The following CHD1L variants were observed in gnomAD, a reference collection of about 807,000 sequenced individuals.
The protein encoded by CHD1L is ATP-dependent chromatin remodeler CHD1L.
A neutral mutation model predicts 115.9 loss-of-function variants in CHD1L; 118 were observed. The observed-to-expected ratio is 1.02, with a 90% CI of 0.88 to 1.19. The LOEUF is 1.19. Among genes scored for constraint, CHD1L ranks in the 50% most tolerant of loss-of-function variants. CHD1L has a pLI of 0.00. For synonymous variants in CHD1L, 411 were observed against 387.1 expected, an observed-to-expected ratio of 1.06 and a Z score of -0.72; for missense variants, 1,179 against 1,065.3, an observed-to-expected ratio of 1.11 and a Z score of -1.49.
chr1:147,255,904 C>A lies in CHD1L; in HGVS notation c.439C>A (p.His147Asn). The A allele has an allele frequency of 6.2e-7, 1 of 1,613,440 alleles. No homozygotes were observed. Among genetic ancestry groups the A allele is most frequent in the South Asian group, 1.1e-5 (1 of 90,948 alleles). The change falls in exon 4 of 23, where the codon CAT becomes AAT. Residue 147 changes from histidine to asparagine, a missense_variant. His to Asn is a moderately conservative substitution (Grantham distance 68, BLOSUM62 1). Coordinates refer to ENST00000369258, the MANE Select transcript of CHD1L (RefSeq NM_004284.6). ...QQDLKQESRF[H>N]VLLTTYEICL... is the part of the protein sequence containing the mutation. ...AGACCTGAAACAGGAGTCACGTTTT[C>A]ATGTGCTACTGACTACCTATGAGGT...
chr1:147,275,235 T>A (rs1677888242), intron 12 of CHD1L, 119 bp from the exon 13 acceptor site: 2 of 749,586 alleles, frequency 2.7e-6, no homozygotes, highest in African/African-American at 3.4e-5. Flanking sequence ...ATTTGAAGGA[T>A]GAAGCCAATT....
chr1:147,173,458 G>A, the CHD1L span: 2 of 152,192 alleles, frequency 1.3e-5, no homozygotes, highest in African/African-American at 4.8e-5. Flanking sequence ...AGAACGAAAA[G>A]GCTCTCCTAG....
chr1:147,231,899 C>A, the CHD1L span, among the ~76,000 whole-genome samples: 1 of 152,162 alleles, frequency 6.6e-6, no homozygotes, highest in East Asian at 1.9e-4. Context: ...GATGCCTCGC[C>A]CTGCTTCAGT....
intron 1 of CHD1L, among the ~76,000 whole-genome samples, chr1:147,252,151 C>T (rs1418794979): frequency 6.6e-6 from 1 of 152,184 alleles, no homozygotes; most frequent in Non-Finnish European, 1.5e-5. Context: ...TTCTTAAAAA[C>T]AGCGCTTCTG....
At chr1:147,224,949 C>G in the CHD1L span, 1 of 1,614,090 alleles carries the variant, frequency 6.2e-7, no homozygotes, top group Non-Finnish European at 8.5e-7. Context: ...AGACAGGTTC[C>G]AAGCCTTCTT....
the CHD1L span, among the ~76,000 whole-genome samples, chr1:147,219,202 C>T: frequency 6.6e-6 from 1 of 152,114 alleles, no homozygotes; most frequent in African/African-American, 2.4e-5. Flanking sequence ...ACAAAGGGAA[C>T]TGTAAAATTA....
chr1:147,178,187 C>A, the CHD1L span: 1 of 1,612,332 alleles, frequency 6.2e-7, no homozygotes, highest in Non-Finnish European at 8.5e-7. Context: ...GCGGCTGCCT[C>A]CGACGTGCTA....
rs587772866 is a variant in CHD1L at position 147,244,994 on chromosome 1, T to G, written c.127+2164T>G. On this transcript the variant is annotated intron_variant, in intron 1 of 22. Transcript: ENST00000369258. Reference sequence around the variant, plus strand: ...TAATATGCTATCGTATTGTTTAATTTAATGTTTATTTGGTTACCAATATTG... The same window carrying G: ...TAATATGCTATCGTATTGTTTAATTGAATGTTTATTTGGTTACCAATATTG... 2.0e-5 allele frequency among the ~76,000 whole-genome samples: 3 copies of G among 152,370 alleles called. 1 individual carries two copies. The South Asian group carries it at 6.2e-4, about 32-fold the overall frequency.
At chr1:147,228,007 C>T in the CHD1L span, among the ~76,000 whole-genome samples, 1 of 54,746 alleles carries the variant, frequency 1.8e-5, no homozygotes, top group East Asian at 4.8e-4. Flanking sequence ...CCATGGAGGC[C>T]ACTTTTTTTT....
chr1:147,181,448 C>T, the CHD1L span, among the ~76,000 whole-genome samples: 56,662 of 151,908 alleles, frequency 0.37, 10,986 homozygotes, highest in African/African-American at 0.5. Context: ...GAAAGTCTTT[C>T]GATTGTTTCC....
intron 14 of CHD1L, among the ~76,000 whole-genome samples, chr1:147,277,927 A>G (rs782514926): frequency 9.9e-5 from 15 of 152,156 alleles, no homozygotes; most frequent in South Asian, 2.1e-4. Flanking sequence ...GGGTCCAATG[A>G]GGGGTATCTT....
At chr1:147,269,941 A>T (rs1675502738) in intron 10 of CHD1L, among the ~76,000 whole-genome samples, 1 of 152,218 alleles carries the variant, frequency 6.6e-6, no homozygotes, top group Non-Finnish European at 1.5e-5. Context: ...TGGTTCTCGT[A>T]TATCTGCCAT....
At chr1:147,271,208 A>G (rs1036902555) in intron 11 of CHD1L, 1 of 463,512 alleles carries the variant, frequency 2.2e-6, no homozygotes, top group Admixed American at 3.3e-5. Context: ...ACGTGGGCAG[A>G]AATAAACACC....
the CHD1L span, among the ~76,000 whole-genome samples, chr1:147,177,571 G>C: frequency 4.6e-5 from 7 of 152,288 alleles, no homozygotes; most frequent in Admixed American, 1.3e-4. Context: ...AACATCTCTA[G>C]TATGTCATTA....
At chr1:147,181,224 A>G in the CHD1L span, among the ~76,000 whole-genome samples, 1 of 152,194 alleles carries the variant, frequency 6.6e-6, no homozygotes, top group African/African-American at 2.4e-5. Context: ...AGTTTGGCCC[A>G]TGGGTGGGAT....
chr1:147,292,502 G>GTTTT (rs1285328213), intron 20 of CHD1L, among the ~76,000 whole-genome samples: 54 of 152,294 alleles, frequency 3.5e-4, no homozygotes, highest in South Asian at 2.7e-3. Context: ...TGAGGTTGCT[G>GTTTT]TCTATGTGAC....
At chr1:147,230,120 C>T in the CHD1L span, among the ~76,000 whole-genome samples, 2 of 93,402 alleles carry the variant, frequency 2.1e-5, 1 homozygote, top group Non-Finnish European at 3.7e-5. Flanking sequence ...AGTTTTTGCC[C>T]ATTCAGTGCG....
chr1:147,242,341 C>T (rs1399002182), upstream of CHD1L, among the ~76,000 whole-genome samples: 1 of 152,166 alleles, frequency 6.6e-6, no homozygotes, highest in Non-Finnish European at 1.5e-5. Context: ...ACCCCCAGGG[C>T]CCAGCGGAGT....
upstream of CHD1L, among the ~76,000 whole-genome samples, chr1:147,238,933 G>A (rs2102174847): frequency 6.6e-6 from 1 of 152,112 alleles, no homozygotes; most frequent in Non-Finnish European, 1.5e-5. Context: ...TCTTTCACTG[G>A]CAGCCCCTTC....
Sources: gnomAD v4.1 joint callset for allele counts (sites outside exome capture counted in the v4.1 genomes callset) on GRCh38, gnomAD v4.1.1 for gene constraint, MANE v1.5 for transcripts, NCBI Gene and HGNC (gene_info 2026-07-23, HGNC 2026-07-21) for gene names.